The following SOCS7 variants were observed in gnomAD, a reference collection of about 807,000 sequenced individuals.
SOCS7 encodes the protein NAP-4.
SOCS7 carries 18 observed loss-of-function variants against 58.9 expected under a neutral mutation model. The observed-to-expected ratio is 0.31, with a 90% CI of 0.21 to 0.45. The LOEUF (loss-of-function observed/expected upper bound fraction) is 0.45, where lower values mean the gene tolerates loss of function less well. Among genes scored for constraint, SOCS7 ranks in the 20% least tolerant of loss-of-function variants. The pLI, the probability that SOCS7 is intolerant of heterozygous loss-of-function variation, is 1.00. For missense variants in SOCS7, 667 were observed against 837.3 expected, an observed-to-expected ratio of 0.80 and a Z score of 2.51; for synonymous variants, 388 against 364.3, an observed-to-expected ratio of 1.06 and a Z score of -0.74.
Position 38,389,900 on chromosome 17 carries a change from C to CATATATATATAT in SOCS7, c.1682-5408_1682-5407insTATATATATATA, listed in dbSNP as rs1263290062. Among the ~76,000 whole-genome samples, 26 of 20,194 alleles carry CATATATATATAT rather than the reference C, an allele frequency of 1.3e-3. 1 individual carries two copies. Among genetic ancestry groups the CATATATATATAT allele is most frequent in the African/African-American group, 3.8e-3 (23 of 6,126 alleles). 13.2% of individuals were successfully genotyped at this position (20,194 alleles called of 152,430 possible). ...ATATATATGTACATATATATATATA[C>CATATATATATAT]ACATATAGAGAGAGAGAGAGAGAGA... On this transcript the variant is annotated intron_variant, in intron 7 of 9. Transcript: ENST00000612932.
At chr17:38,363,482 T>C (rs1597687455) in intron 2 of SOCS7, among the ~76,000 whole-genome samples, 1 of 152,290 alleles carries the variant, frequency 6.6e-6, no homozygotes, top group Non-Finnish European at 1.5e-5. Flanking sequence ...ACTATAGGCA[T>C]GCACCACCAT....
intron 7 of SOCS7, among the ~76,000 whole-genome samples, chr17:38,394,548 G>A (rs1024048265): frequency 7.9e-5 from 12 of 152,182 alleles, no homozygotes; most frequent in African/African-American, 2.9e-4. Flanking sequence ...GAATTTGGTG[G>A]GGACTCCTCT....
Position 38,353,014 on chromosome 17 carries a change from G to A in SOCS7, c.962G>A (p.Arg321Gln), listed in dbSNP as rs565934850. 58 of 1,591,928 alleles carry A rather than the reference G, an allele frequency of 3.6e-5. No homozygotes were observed. The highest frequency in any genetic ancestry group is 3.2e-4 in the South Asian group (28 of 88,662). The change falls in exon 1 of 10, where the codon CGG (arginine) becomes CAG (glutamine). Residue 321 changes from arginine (R) to glutamine (Q), a missense_variant. Physicochemically the swap from Arg to Gln is conservative, Grantham distance 43. Coordinates refer to ENST00000612932, the MANE Select transcript of SOCS7 (RefSeq NM_014598.4). Reference sequence around the variant, plus strand: ...ACAGACATGGGAGGCTCTGCGGGCCGGGAGCTGGACGCGGGGAGGTGAGAC... The same window carrying A: ...ACAGACATGGGAGGCTCTGCGGGCCAGGAGCTGGACGCGGGGAGGTGAGAC... ...SLTDMGGSAG[R>Q]ELDAGRKPKL...
rs1456034725 is a variant in SOCS7, at chr17:38,403,314, G to C, written c.*3832G>C. On this transcript the variant is annotated 3_prime_UTR_variant, in exon 10 of 10. Transcript: ENST00000612932. ...ATCCAGGAAGAATTAGGGAGTGGGG[G>C]TAATTATAGTTCCTAGGTCTAGGGG... 3 of 152,180 alleles carry C rather than the reference G, an allele frequency of 2.0e-5. No homozygotes were observed. Among genetic ancestry groups the C allele is most frequent in the Non-Finnish European group, 4.4e-5 (3 of 68,088 alleles). 9.4% of individuals were successfully genotyped at this position (152,180 alleles called of 1,614,324 possible).
At chr17:38,367,133 C>G (rs1051932661) in intron 5 of SOCS7, among the ~76,000 whole-genome samples, 1 of 152,096 alleles carries the variant, frequency 6.6e-6, no homozygotes, top group Non-Finnish European at 1.5e-5. Context: ...GGCGCAATCT[C>G]GGCTTACTGA....
At chr17:38,379,610 C>T (rs1028065421) in intron 7 of SOCS7, among the ~76,000 whole-genome samples, 8 of 152,070 alleles carry the variant, frequency 5.3e-5, no homozygotes, top group African/African-American at 1.9e-4. Flanking sequence ...GAGCCTCAGG[C>T]AGAAGACTAG....
chr17:38,375,170 G>C (rs767426787), intron 6 of SOCS7, among the ~76,000 whole-genome samples: 2 of 152,154 alleles, frequency 1.3e-5, no homozygotes, highest in Non-Finnish European at 2.9e-5. Flanking sequence ...ACTCTAGCCT[G>C]GGTGATAGAG....
chr17:38,395,803 T>C, intron 8 of SOCS7, 45 bp from the exon 9 acceptor site: 1 of 1,589,498 alleles, frequency 6.3e-7, no homozygotes, highest in South Asian at 1.1e-5. Context: ...CTTTTATATT[T>C]TGTATAAAAA....
chr17:38,404,985 T>G lies in SOCS7; in HGVS notation c.*5503T>G, dbSNP rs1255096185. On this transcript the variant is annotated 3_prime_UTR_variant, in exon 10 of 10. Transcript: ENST00000612932. ...TTCTGGGCTCGGGGTGGTTGCCAAT[T>G]TTTCACCAGAAAGGGAGCCACCCCT... 6.6e-6 allele frequency: 1 copy of G among 152,088 alleles called. No individual in the cohort carries two copies. Among genetic ancestry groups the G allele is most frequent in the Non-Finnish European group, 1.5e-5 (1 of 68,020 alleles). 9.4% of individuals were successfully genotyped at this position (152,088 alleles called of 1,614,324 possible).
chr17:38,358,282 G>A (rs992308500), intron 1 of SOCS7, among the ~76,000 whole-genome samples: 1 of 152,220 alleles, frequency 6.6e-6, no homozygotes, highest in African/African-American at 2.4e-5. Context: ...TGGGAATGTA[G>A]TATAGAGGGT....
At chr17:38,377,691 TA>T (rs763040902) in intron 6 of SOCS7, 22 bp from the exon 7 acceptor site, 1 of 1,589,768 alleles carries the variant, frequency 6.3e-7, no homozygotes, top group South Asian at 1.2e-5. Context: ...TTAAAATTTT[TA>T]CTTCTTAATT....
intron 7 of SOCS7, among the ~76,000 whole-genome samples, chr17:38,378,735 C>T (rs1293646300): frequency 1.3e-5 from 2 of 152,170 alleles, no homozygotes; most frequent in Non-Finnish European, 2.9e-5. Context: ...AGTCTTCCTG[C>T]CCACTAAGTT....
intron 6 of SOCS7, among the ~76,000 whole-genome samples, chr17:38,373,556 ATGAAGCTACAGTCTT>A (rs1448508674): frequency 6.6e-6 from 1 of 152,228 alleles, no homozygotes; most frequent in Non-Finnish European, 1.5e-5. Context: ...ACCTTTATCT[ATGAAGCTACAGTCTT>A]TTGGTTGTAC....
At chr17:38,360,038 AAAGTGTTGGGATT>A (rs2037695324) in intron 1 of SOCS7, among the ~76,000 whole-genome samples, 1 of 151,958 alleles carries the variant, frequency 6.6e-6, no homozygotes, top group African/African-American at 2.4e-5. Context: ...TCAGCCTCTC[AAAGTGTTGGGATT>A]ACAGGTGTGA....
At chr17:38,374,526 G>A (rs1380934076) in intron 6 of SOCS7, among the ~76,000 whole-genome samples, 3 of 152,160 alleles carry the variant, frequency 2.0e-5, no homozygotes, top group African/African-American at 7.2e-5. Context: ...AGTTGTGAAA[G>A]CCATCAAGCC....
At position 38,377,817 on chromosome 17, in the gene SOCS7, C is replaced by G. The variant is rs1597699445; in HGVS notation, c.1656C>G (p.Leu552=). ...TGCACTCCAAGAATGGAAAGTTTCT[C>G]TATTTCTTAAGATCCAGGGTTCCAG... The part of the protein sequence containing the change: ...AIMHSKNGKF[L]YFLRSRVPGL... Residue 552 remains leucine, a synonymous_variant, in exon 7 of 10, where the codon CTC becomes CTG. Coordinates refer to ENST00000612932, the MANE Select transcript of SOCS7 (RefSeq NM_014598.4). 6.2e-7 allele frequency: 1 copy of G among 1,613,524 alleles called. No individual in the cohort carries two copies. Among genetic ancestry groups the G allele is most frequent in the Non-Finnish European group, 8.5e-7 (1 of 1,179,726 alleles).
In SOCS7 at chr17:38,359,167, C is replaced by T. The variant is rs587603511; in HGVS notation, c.981-2544C>T. Among the ~76,000 whole-genome samples, 111 of 152,338 alleles carry T rather than the reference C, an allele frequency of 7.3e-4. 3 individuals are homozygous for T. In the South Asian group the frequency reaches 0.022, roughly 30 times the overall value. On this transcript the variant is annotated intron_variant, in intron 1 of 9. Transcript: ENST00000612932. ...TCAAATAAAAATCAGCTTGGAAGCT[C>T]TTCAGCAGTCCTAAAGTTCATGTCC...
intron 6 of SOCS7, among the ~76,000 whole-genome samples, chr17:38,371,210 T>G (rs1275516964): frequency 6.6e-6 from 1 of 152,058 alleles, no homozygotes; most frequent in East Asian, 1.9e-4. Context: ...ACCTCCTGAG[T>G]TAAAGCGATT....
In SOCS7 at chr17:38,405,209, TAAATG is replaced by T. The variant is rs1392958183; in HGVS notation, c.*5728_*5732del. ...TTAAAATAGACTTGCAGGCCAATCT[TAAATG>T]GGGTGGGAGGGGTCTGAGGGTGGGA... On this transcript the variant is annotated 3_prime_UTR_variant, in exon 10 of 10. Coordinates refer to ENST00000612932, the MANE Select transcript of SOCS7 (RefSeq NM_014598.4). 1.4e-5 allele frequency: 2 copies of T among 147,684 alleles called. No homozygotes were observed. The highest frequency in any genetic ancestry group is 3.0e-5 in the Non-Finnish European group (2 of 66,756). 9.1% of individuals were successfully genotyped at this position (147,684 alleles called of 1,614,324 possible). A position where few individuals can be genotyped will look rare whatever the true frequency, so the allele number is the denominator to read the frequency against.
Sources: gnomAD v4.1 joint callset for allele counts (sites outside exome capture counted in the v4.1 genomes callset) on GRCh38, gnomAD v4.1.1 for gene constraint, MANE v1.5 for transcripts, NCBI Gene and HGNC (gene_info 2026-07-23, HGNC 2026-07-21) for gene names.